CLASP1: variants seen among roughly 807,000 people sequenced by gnomAD.
The protein encoded by CLASP1 is cytoplasmic linker associated protein 1, also known as CLIP-associating protein 1.
CLASP1 carries 38 observed loss-of-function variants against 192.3 expected under a neutral mutation model. The ratio of observed to expected loss-of-function variants is 0.20; its 90% CI spans 0.15 to 0.26. The LOEUF (loss-of-function observed/expected upper bound fraction) is 0.26. CLASP1 is among the 10% of genes least tolerant of loss of function. The probability of loss-of-function intolerance (pLI) is 1.00; values close to 1 mark genes in which losing one functional copy is unlikely to be tolerated. For missense variants in CLASP1, 1,433 were observed against 1,932.5 expected (o/e 0.74, Z 4.85); for synonymous variants, 691 against 712.8 (o/e 0.97, Z 0.49).
chr2:121,491,746 A>T (rs989147459), intron 8 of CLASP1, among the ~76,000 whole-genome samples: 27 of 152,240 alleles, frequency 1.8e-4, no homozygotes, highest in African/African-American at 6.3e-4. Flanking sequence ...ACAAGAAGGA[A>T]TCATACAAAG....
In CLASP1 at chr2:121,575,935, C is replaced by A. The variant is rs900044005; in HGVS notation, c.195+29766G>T. Among the ~76,000 whole-genome samples the A allele has an allele frequency of 7.2e-5, 11 of 152,302 alleles. No homozygotes were observed. The East Asian group carries it at 1.3e-3, about 19-fold the overall frequency. ...CAACAACAGAGGGTGCAGATTCTCA[C>A]CCCCAACTAAAAAATGACTTACGTA... On this transcript the variant is annotated intron_variant, in intron 2 of 39. Coordinates refer to ENST00000263710, the Ensembl canonical transcript of CLASP1.
intron 2 of CLASP1, among the ~76,000 whole-genome samples, chr2:121,535,966 T>C (rs914929376): frequency 1.6e-4 from 25 of 151,748 alleles, no homozygotes; most frequent in Admixed American, 5.3e-4. Flanking sequence ...CCAGCCCTAT[T>C]TTATTAAAAA....
At chr2:121,626,333 G>A (rs1303175310) in intron 1 of CLASP1, among the ~76,000 whole-genome samples, 2 of 152,122 alleles carry the variant, frequency 1.3e-5, no homozygotes, top group Non-Finnish European at 2.9e-5. Flanking sequence ...AAGCTATAAA[G>A]AATTAATACA....
chr2:121,383,993 T>G lies in CLASP1; in HGVS notation c.3375-1669A>C, dbSNP rs1465863250. On this transcript the variant is annotated intron_variant, in intron 32 of 39. Coordinates refer to ENST00000263710, the Ensembl canonical transcript of CLASP1. Reference sequence around the variant, plus strand: ...AAAAATGACTTCCTCACTGGTGAGATATATATATATATATACACACACACA... The same window carrying G: ...AAAAATGACTTCCTCACTGGTGAGAGATATATATATATATACACACACACA... Among the ~76,000 whole-genome samples, 7 of 117,720 alleles carry G rather than the reference T, an allele frequency of 5.9e-5. No individual in the cohort carries two copies. The East Asian group carries it at 6.7e-4, about 11-fold the overall frequency. 77.2% of individuals were successfully genotyped at this position (117,720 alleles called of 152,430 possible).
At chr2:121,437,132 G>A (rs1026510350) in intron 19 of CLASP1, among the ~76,000 whole-genome samples, 3 of 151,654 alleles carry the variant, frequency 2.0e-5, no homozygotes, top group South Asian at 2.1e-4. Flanking sequence ...TTGGCTAACT[G>A]TAAAAAAAAA....
In CLASP1 at chr2:121,462,530, A is replaced by G. The variant is rs904053208; in HGVS notation, c.939+2T>C. 15 of 1,525,344 alleles carry G rather than the reference A, an allele frequency of 9.8e-6. No individual in the cohort carries two copies. The highest frequency in any genetic ancestry group is 1.4e-5 in the Non-Finnish European group (15 of 1,102,588). The allele number at this position is 1,525,344 out of a possible 1,614,324, so 94.5% of individuals were successfully genotyped here. A position where few individuals can be genotyped will look rare whatever the true frequency, so the allele number is the denominator to read the frequency against. On this transcript the variant is annotated splice_donor_variant, in intron 10 of 39. Coordinates refer to ENST00000263710, the Ensembl canonical transcript of CLASP1. LOFTEE classifies it high-confidence loss of function. ...TAATCATACTCAAATATCCTCACTG[A>G]CCTGTACTACAGGTACATCATCAAA...
At chr2:121,340,584 G>A (rs908603022) in exon 40 of CLASP1, 6 of 333,724 alleles carry the variant, frequency 1.8e-5, no homozygotes, top group South Asian at 8.7e-5. Context: ...ACAGGGTTTC[G>A]CCATCTCAGC....
At chr2:121,449,120 T>G in exon 17 of CLASP1, 1 of 1,613,524 alleles carries the variant, frequency 6.2e-7, no homozygotes, top group Non-Finnish European at 8.5e-7. Context: ...CCCAGTAACA[T>G]CTAGAGGAAA....
intron 1 of CLASP1, among the ~76,000 whole-genome samples, chr2:121,636,522 G>A (rs1170519811): frequency 1.3e-5 from 2 of 150,380 alleles, no homozygotes; most frequent in East Asian, 2.0e-4. Context: ...AAAATTAGCA[G>A]GGTGAGGTGG....
At chr2:121,614,894 A>C (rs2066204435) in intron 1 of CLASP1, among the ~76,000 whole-genome samples, 1 of 152,234 alleles carries the variant, frequency 6.6e-6, no homozygotes, top group Non-Finnish European at 1.5e-5. Context: ...TAACAAGTAA[A>C]ATACTGCACC....
At chr2:121,491,556 T>C (rs957059948) in intron 8 of CLASP1, among the ~76,000 whole-genome samples, 3 of 152,236 alleles carry the variant, frequency 2.0e-5, no homozygotes, top group African/African-American at 7.2e-5. Context: ...TCTGCATGAT[T>C]TAAAAACTTA....
intron 37 of CLASP1, among the ~76,000 whole-genome samples, chr2:121,350,671 C>T (rs1364253282): frequency 3.9e-5 from 6 of 152,172 alleles, no homozygotes; most frequent in African/African-American, 2.4e-5. Flanking sequence ...CAGCTGAGTT[C>T]ATCTCATTAA....
In CLASP1 at chr2:121,503,240, T is replaced by A; in HGVS notation, c.645-6A>T. Reference sequence around the variant, plus strand: ...TTGTAAAAATTACATTCAACCTGTATGAAAGAAAAATGTAAACAAACTATT... The same window carrying A: ...TTGTAAAAATTACATTCAACCTGTAAGAAAGAAAAATGTAAACAAACTATT... On this transcript the variant is annotated splice_region_variant and splice_polypyrimidine_tract_variant and intron_variant, in intron 7 of 39. Transcript: ENST00000263710. 2.7e-6 allele frequency: 4 copies of A among 1,489,432 alleles called. No homozygotes were observed. The highest frequency in any genetic ancestry group is 2.0e-5 in the Admixed American group (1 of 50,632). 92.3% of individuals were successfully genotyped at this position (1,489,432 alleles called of 1,614,324 possible).
At chr2:121,521,741 AG>A (rs1301600459) in intron 6 of CLASP1, among the ~76,000 whole-genome samples, 1 of 152,224 alleles carries the variant, frequency 6.6e-6, no homozygotes, top group East Asian at 1.9e-4. Flanking sequence ...CTGCCTGAAG[AG>A]CTGAGAGAGG....
chr2:121,451,152 C>T (rs780934983), intron 15 of CLASP1, among the ~76,000 whole-genome samples, 162 bp from the exon 16 acceptor site: 1 of 152,242 alleles, frequency 6.6e-6, no homozygotes, highest in African/African-American at 2.4e-5. Context: ...GGCACTCCTA[C>T]CTACAGTCCT....
At chr2:121,380,497 C>T (rs780583592) in intron 33 of CLASP1, among the ~76,000 whole-genome samples, 38 of 149,352 alleles carry the variant, frequency 2.5e-4, no homozygotes, top group Admixed American at 7.9e-4. Flanking sequence ...CCATGCCACC[C>T]AACATGGAAG....
In CLASP1 at chr2:121,363,168, T is replaced by C. The variant is rs1188969521; in HGVS notation, c.4206+4A>G. On this transcript the variant is annotated splice_donor_region_variant and intron_variant, in intron 37 of 39. Transcript: ENST00000263710. ...CAGCACCCCTGGCCACATGACTGAC[T>C]CACCTCCTTATGGGAGTCTTTGTGG... The C allele has an allele frequency of 6.2e-7, 1 of 1,613,854 alleles. No homozygotes were observed. Among genetic ancestry groups the C allele is most frequent in the African/African-American group, 1.3e-5 (1 of 74,934 alleles).
chr2:121,525,744 G>A (rs2094559818), intron 6 of CLASP1, 101 bp downstream of exon 6: 10 of 740,546 alleles, frequency 1.4e-5, no homozygotes. Flanking sequence ...TCAGTGTTCT[G>A]TGAAGATTAG....
chr2:121,393,786 T>C (rs1574257114), intron 30 of CLASP1, among the ~76,000 whole-genome samples: 2 of 152,096 alleles, frequency 1.3e-5, no homozygotes, highest in East Asian at 3.9e-4. Context: ...GATACATCTA[T>C]TTGAATCAAA....
Sources: allele counts gnomAD v4.1 joint callset (sites outside exome capture counted in the v4.1 genomes callset), GRCh38; gene constraint gnomAD v4.1.1; transcripts MANE v1.5; gene names NCBI Gene and HGNC (gene_info 2026-07-23, HGNC 2026-07-21).